ART3: variants seen among roughly 807,000 people sequenced by gnomAD.
The protein encoded by ART3 is ecto-ADP-ribosyltransferase 3.
Under a neutral mutation model 48.5 loss-of-function variants are expected in ART3, and 49 were observed. The observed-to-expected ratio is 1.01, with a 90% confidence interval of 0.80 to 1.28. The LOEUF is 1.28. ART3 is among the 50% of genes most tolerant of loss of function. ART3 has a pLI of 0.00. For synonymous variants in ART3, 145 were observed against 157.2 expected (o/e 0.92, Z 0.58); for missense variants, 438 against 454.3 (o/e 0.96, Z 0.33).
intron 1 of ART3, among the ~76,000 whole-genome samples, chr4:76,024,888 T>A (rs1733230163): frequency 6.6e-6 from 1 of 152,190 alleles, no homozygotes; most frequent in South Asian, 2.1e-4. Flanking sequence ...GGGCCAAGAA[T>A]AAAGCCTGTA....
intron 3 of ART3, among the ~76,000 whole-genome samples, chr4:76,093,476 C>T (rs1012426399): frequency 1.1e-4 from 17 of 152,076 alleles, no homozygotes; most frequent in African/African-American, 2.4e-4. Flanking sequence ...CTCCGCACCT[C>T]GCATCTCTCT....
intron 1 of ART3, among the ~76,000 whole-genome samples, chr4:76,023,067 A>G (rs1006125710): frequency 3.9e-5 from 6 of 152,214 alleles, no homozygotes; most frequent in Admixed American, 3.9e-4. Flanking sequence ...CATTGAGCTT[A>G]GTTAGGTAAG....
intron 1 of ART3, among the ~76,000 whole-genome samples, chr4:76,052,131 A>G (rs1409736100): frequency 3.3e-5 from 5 of 152,124 alleles, no homozygotes; most frequent in Non-Finnish European, 7.4e-5. Flanking sequence ...CTGTAATCCC[A>G]GCACTTTGGG....
At chr4:76,076,041 G>A (rs958106827) in intron 2 of ART3, 83 bp downstream of exon 2, 17 of 1,269,888 alleles carry the variant, frequency 1.3e-5, no homozygotes, top group Admixed American at 1.2e-4. Context: ...TCTCTCTGTC[G>A]CCCAGACTGC....
chr4:76,091,482 A>G (rs1724876453), intron 3 of ART3, among the ~76,000 whole-genome samples: 1 of 152,156 alleles, frequency 6.6e-6, no homozygotes, highest in South Asian at 2.1e-4. Flanking sequence ...CATGTTCCTA[A>G]TGAGTAATAA....
At chr4:76,054,976 T>C (rs1257203645) in intron 1 of ART3, among the ~76,000 whole-genome samples, 2 of 152,280 alleles carry the variant, frequency 1.3e-5, no homozygotes, top group African/African-American at 4.8e-5. Flanking sequence ...AGTCTTGTTA[T>C]GTTGCTCAGG....
At chr4:76,105,967 G>A (rs9307076) in intron 10 of ART3, 182,360 of 984,700 alleles carry the variant, frequency 0.19, 17,502 homozygotes, top group East Asian at 0.43. Flanking sequence ...CAATCGTCCA[G>A]TAGGCCACTA....
intron 1 of ART3, chr4:76,036,720 A>G (rs1225479351): frequency 5.7e-6 from 1 of 176,562 alleles, no homozygotes; most frequent in African/African-American, 2.4e-5. Flanking sequence ...TATTCTGCAA[A>G]GCTTTCATTA....
chr4:76,049,701 G>A (rs2149449399), intron 1 of ART3, among the ~76,000 whole-genome samples: 1 of 152,086 alleles, frequency 6.6e-6, no homozygotes, highest in East Asian at 1.9e-4. Context: ...GGTACTCACT[G>A]CTTGGCGATA....
At chr4:76,067,305 T>C (rs1719836914) in intron 1 of ART3, among the ~76,000 whole-genome samples, 1 of 152,238 alleles carries the variant, frequency 6.6e-6, no homozygotes, top group Admixed American at 6.5e-5. Context: ...AACCAGTTTA[T>C]GATCTTCTTT....
chr4:76,025,311 G>A (rs1315129492), intron 1 of ART3, among the ~76,000 whole-genome samples: 1 of 152,154 alleles, frequency 6.6e-6, no homozygotes, highest in Non-Finnish European at 1.5e-5. Flanking sequence ...GCCTAGAAAA[G>A]TTCAACATTA....
At chr4:76,033,132 T>A (rs534685391) in intron 1 of ART3, among the ~76,000 whole-genome samples, 1 of 152,276 alleles carries the variant, frequency 6.6e-6, no homozygotes, top group Admixed American at 6.5e-5. Context: ...AGAAACCAAC[T>A]CTGGCTATCT....
At chr4:76,078,210 G>A (rs921761197) in intron 2 of ART3, among the ~76,000 whole-genome samples, 5 of 151,882 alleles carry the variant, frequency 3.3e-5, no homozygotes, top group Admixed American at 2.6e-4. Flanking sequence ...CACTGCTCAA[G>A]GCACGCACCA....
upstream of ART3, among the ~76,000 whole-genome samples, chr4:76,071,210 C>T (rs1232218171): frequency 6.6e-6 from 1 of 151,812 alleles, no homozygotes; most frequent in African/African-American, 2.4e-5. Flanking sequence ...ATTAGCCAGG[C>T]TTGGTAGTGG....
chr4:76,045,203 G>C (rs1399900700), intron 1 of ART3, among the ~76,000 whole-genome samples: 1 of 151,906 alleles, frequency 6.6e-6, no homozygotes, highest in Non-Finnish European at 1.5e-5. Context: ...TTAGTTAAGG[G>C]GACTTCTAAG....
intron 1 of ART3, among the ~76,000 whole-genome samples, chr4:76,066,463 G>A (rs148124021): frequency 2.6e-5 from 4 of 152,178 alleles, no homozygotes; most frequent in African/African-American, 9.6e-5. Flanking sequence ...CTCTCTGCTC[G>A]CTGGTCATCC....
intron 11 of ART3, among the ~76,000 whole-genome samples, chr4:76,110,035 A>G (rs546494168): frequency 6.6e-6 from 1 of 152,318 alleles, no homozygotes; most frequent in South Asian, 2.1e-4. Flanking sequence ...GATGGACTCC[A>G]CTGCTCCTCT....
At chr4:76,089,305 T>G (rs1724297798) in intron 3 of ART3, among the ~76,000 whole-genome samples, 2 of 152,288 alleles carry the variant, frequency 1.3e-5, no homozygotes, top group East Asian at 3.9e-4. Flanking sequence ...TACTCAAATC[T>G]CATGTTCAGT....
intron 3 of ART3, among the ~76,000 whole-genome samples, chr4:76,093,721 A>C (rs940374348): frequency 6.6e-6 from 1 of 152,160 alleles, no homozygotes; most frequent in Non-Finnish European, 1.5e-5. Flanking sequence ...CAGTATGTCA[A>C]GTTTGCTAAT....
Sources: gnomAD v4.1 joint callset for allele counts (sites outside exome capture counted in the v4.1 genomes callset) on GRCh38, gnomAD v4.1.1 for gene constraint, MANE v1.5 for transcripts, NCBI Gene and HGNC (gene_info 2026-07-23, HGNC 2026-07-21) for gene names.